NRAP: variants seen among roughly 807,000 people sequenced by gnomAD.
NRAP encodes nebulin-related-anchoring protein.
A neutral mutation model predicts 225.9 loss-of-function variants in NRAP; 189 were observed. That is an observed-to-expected ratio of 0.84 (90% CI 0.74 to 0.94). The LOEUF is 0.94. Ranked by LOEUF, NRAP falls within the 40% of genes least tolerant of loss-of-function variation. The pLI is 0.00. For synonymous variants in NRAP, 769 were observed against 790.7 expected (o/e 0.97, Z 0.46); for missense variants, 2,176 against 2,168.7 (o/e 1.00, Z -0.07).
intron 10 of NRAP, 80 bp downstream of exon 10, chr10:113,646,843 G>T: frequency 3.2e-6 from 3 of 927,882 alleles, no homozygotes; most frequent in South Asian, 1.3e-5. Flanking sequence ...ATGTATCTGT[G>T]TGTAGGTTTC....
chr10:113,602,289 A>C (rs1592737850), intron 35 of NRAP, among the ~76,000 whole-genome samples: 1 of 151,890 alleles, frequency 6.6e-6, no homozygotes, highest in Non-Finnish European at 1.5e-5. Flanking sequence ...TTCCAGCTCC[A>C]CCTCCCATAC....
intron 2 of NRAP, 55 bp downstream of exon 2, chr10:113,663,297 T>C (rs1850807220): frequency 1.9e-6 from 2 of 1,062,926 alleles, no homozygotes; most frequent in East Asian, 4.7e-5. Context: ...AGTTGGCTCC[T>C]TGTTGAAAAA....
intron 32 of NRAP, among the ~76,000 whole-genome samples, chr10:113,607,446 G>GAAAGAAAAGAA (rs1847062877): frequency 1.1e-5 from 1 of 93,340 alleles, no homozygotes; most frequent in Non-Finnish European, 2.4e-5. Context: ...AGAAAAGAAA[G>GAAAGAAAAGAA]AAAGAAAAGA....
Position 113,641,487 on chromosome 10 carries a change from A to G in NRAP, c.1216-15T>C, listed in dbSNP as rs1021773283. 3 of 1,537,008 alleles carry G rather than the reference A, an allele frequency of 2.0e-6. No homozygotes were observed. The highest frequency in any genetic ancestry group is 1.8e-6 in the Non-Finnish European group (2 of 1,110,658). Reference sequence around the variant, plus strand: ...TTATATTTATTCTACATGGAAACGCAAAGTTTTCAACCAAAGCATTCCCTT... The same window carrying G: ...TTATATTTATTCTACATGGAAACGCGAAGTTTTCAACCAAAGCATTCCCTT... On this transcript the variant is annotated splice_polypyrimidine_tract_variant and intron_variant, in intron 12 of 41. Transcript: ENST00000359988.
chr10:113,627,411 A>G (rs576838752), intron 20 of NRAP, among the ~76,000 whole-genome samples: 1 of 152,346 alleles, frequency 6.6e-6, no homozygotes, highest in East Asian at 1.9e-4. Context: ...CTTAAAAATT[A>G]GTAGGTAATA....
intron 36 of NRAP, 48 bp from the exon 37 acceptor site, chr10:113,597,232 G>T: frequency 8.4e-7 from 1 of 1,188,146 alleles, no homozygotes; most frequent in Non-Finnish European, 1.3e-6. Context: ...CCAACATCAT[G>T]CATCTTTCAG....
At chr10:113,649,449 G>A (rs1849800171) in intron 9 of NRAP, among the ~76,000 whole-genome samples, 2 of 152,148 alleles carry the variant, frequency 1.3e-5, no homozygotes, top group African/African-American at 4.8e-5. Context: ...ACAACACCTG[G>A]CTAGTACCAG....
chr10:113,637,178 A>G lies in NRAP; in HGVS notation c.1429-2968T>C, dbSNP rs938217259. Among the ~76,000 whole-genome samples, 4 of 152,270 alleles carry G rather than the reference A, an allele frequency of 2.6e-5. No individual in the cohort carries two copies. In the East Asian group the frequency reaches 7.7e-4, roughly 29 times the overall value. The stretch of plus-strand genomic sequence containing the variant: ...AGCTCATCATAATTATGACTAACAC[A>G]TGGTACTTACTATGCACCCAGCACC... On this transcript the variant is annotated intron_variant, in intron 14 of 41. Coordinates refer to ENST00000359988, the MANE Select transcript of NRAP (RefSeq NM_198060.4).
At chr10:113,612,053 T>A (rs2133933065) in intron 30 of NRAP, among the ~76,000 whole-genome samples, 181 bp downstream of exon 30, 1 of 152,336 alleles carries the variant, frequency 6.6e-6, no homozygotes, top group African/African-American at 2.4e-5. Flanking sequence ...TGGTTATGAT[T>A]AGATTTGTGT....
chr10:113,615,690 G>A (rs193160317), intron 27 of NRAP, 22 bp downstream of exon 27: 49 of 1,374,884 alleles, frequency 3.6e-5, no homozygotes, highest in Admixed American at 3.4e-4. Context: ...ATTAAAACTC[G>A]TGCCCCTTGG....
chr10:113,615,987 TC>T (rs367774047), intron 26 of NRAP, among the ~76,000 whole-genome samples, 171 bp from the exon 27 acceptor site: 3 of 152,296 alleles, frequency 2.0e-5, no homozygotes, highest in African/African-American at 7.2e-5. Context: ...GACACGCATG[TC>T]ATTTCCAAGC....
intron 29 of NRAP, among the ~76,000 whole-genome samples, chr10:113,613,668 A>C (rs1034816972): frequency 6.6e-6 from 1 of 152,138 alleles, no homozygotes; most frequent in Non-Finnish European, 1.5e-5. Flanking sequence ...CCAGGCAGGT[A>C]GCATAAAGAA....
At chr10:113,614,770 G>A in intron 28 of NRAP, 69 bp downstream of exon 28, 2 of 928,692 alleles carry the variant, frequency 2.2e-6, no homozygotes, top group Non-Finnish European at 3.6e-6. Flanking sequence ...GAAGGCAGGA[G>A]TTACGGGCAA....
chr10:113,651,922 G>A lies in NRAP; in HGVS notation c.571-15C>T, dbSNP rs374911369. The A allele has an allele frequency of 1.7e-5, 26 of 1,558,894 alleles. No individual in the cohort carries two copies. The African/African-American group carries it at 3.1e-4, about 19-fold the overall frequency. ...TTATACTCCACCTGATGAGAAGACA[G>A]TAGAGTCAAGGGTGCACCCACCTCA... On this transcript the variant is annotated splice_polypyrimidine_tract_variant and intron_variant, in intron 6 of 41. Coordinates refer to ENST00000359988, the MANE Select transcript of NRAP (RefSeq NM_198060.4).
At position 113,608,403 on chromosome 10, in the gene NRAP, G is replaced by C. The variant is rs775920398; in HGVS notation, c.3702+11C>G. Reference sequence around the variant, plus strand: ...TAAAAAGACCATTCCAAAGCCATCAGGAGATTTTACCTCATTCGTTATCTG... The same window carrying C: ...TAAAAAGACCATTCCAAAGCCATCACGAGATTTTACCTCATTCGTTATCTG... On this transcript the variant is annotated intron_variant, in intron 32 of 41. Transcript: ENST00000359988. 1.3e-6 allele frequency: 2 copies of C among 1,555,358 alleles called. No individual in the cohort carries two copies. Among genetic ancestry groups the C allele is most frequent in the Non-Finnish European group, 1.8e-6 (2 of 1,128,452 alleles).
chr10:113,637,274 C>A (rs1592826443), intron 14 of NRAP, among the ~76,000 whole-genome samples: 1 of 152,286 alleles, frequency 6.6e-6, no homozygotes, highest in African/African-American at 2.4e-5. Flanking sequence ...CTATTATTAT[C>A]CCTACCTTAC....
At position 113,644,233 on chromosome 10, in the gene NRAP, G is replaced by C. The variant is rs147518749; in HGVS notation, c.1111-1195C>G. 8.0e-3 allele frequency among the ~76,000 whole-genome samples: 1,200 copies of C among 149,594 alleles called. 12 individuals carry two copies. The highest frequency in any genetic ancestry group is 0.028 in the African/African-American group (1,124 of 40,688). On this transcript the variant is annotated intron_variant, in intron 11 of 41. Transcript: ENST00000359988. ...CTGCACTCCCAGTGGTATGGATCCA[G>C]TTCTGTCCCTAAAAGTCTCTACCAC...
intron 26 of NRAP, 58 bp downstream of exon 26, chr10:113,617,397 G>T (rs1451654622): frequency 1.4e-5 from 14 of 1,025,760 alleles, no homozygotes; most frequent in Non-Finnish European, 2.0e-5. Flanking sequence ...CGCTTCAATC[G>T]CAGTGTTGAA....
intron 14 of NRAP, among the ~76,000 whole-genome samples, chr10:113,636,453 T>A (rs1848872522): frequency 6.6e-6 from 1 of 152,104 alleles, no homozygotes. Context: ...AACCCAAAAG[T>A]CACAAATGTC....
Sources: allele counts gnomAD v4.1 joint callset (sites outside exome capture counted in the v4.1 genomes callset), GRCh38; gene constraint gnomAD v4.1.1; transcripts MANE v1.5; gene names NCBI Gene and HGNC (gene_info 2026-07-23, HGNC 2026-07-21).